The following PPP6C variants were observed in gnomAD, a reference collection of about 807,000 sequenced individuals.
PPP6C encodes protein phosphatase 6 catalytic subunit.
In PPP6C, 11 loss-of-function variants were observed where a neutral mutation model predicts 39.8. That is an observed-to-expected ratio of 0.28 (90% CI 0.17 to 0.46). The LOEUF (loss-of-function observed/expected upper bound fraction) is 0.46, where lower values mean the gene tolerates loss of function less well. PPP6C is among the 20% of genes least tolerant of loss of function. PPP6C has a pLI of 1.00. For missense variants in PPP6C, 211 were observed against 373.9 expected, an observed-to-expected ratio of 0.56 and a Z score of 3.59; for synonymous variants, 129 against 130.3, an observed-to-expected ratio of 0.99 and a Z score of 0.07.
chr9:125,177,926 C>G (rs933762505), intron 1 of PPP6C, among the ~76,000 whole-genome samples: 1 of 152,088 alleles, frequency 6.6e-6, no homozygotes, highest in African/African-American at 2.4e-5. Context: ...AGGTTGGTTT[C>G]TTTCATTTAG....
chr9:125,175,513 G>C (rs1829277747), intron 1 of PPP6C, among the ~76,000 whole-genome samples: 1 of 151,568 alleles, frequency 6.6e-6, no homozygotes. Context: ...CATGGTGGCA[G>C]GCGCCTGTAG....
intron 4 of PPP6C, among the ~76,000 whole-genome samples, chr9:125,155,572 T>C (rs1416247767): frequency 2.0e-5 from 3 of 152,174 alleles, no homozygotes; most frequent in Non-Finnish European, 2.9e-5. Flanking sequence ...TGAAAATCAA[T>C]ATAAGTCCTA....
At chr9:125,173,131 G>A (rs2131331432) in intron 1 of PPP6C, among the ~76,000 whole-genome samples, 1 of 152,028 alleles carries the variant, frequency 6.6e-6, no homozygotes, top group Middle Eastern at 3.4e-3. Context: ...ATAAAAATTA[G>A]GCTGGGCATG....
intron 1 of PPP6C, 145 bp from the exon 2 acceptor site, chr9:125,171,325 G>T: frequency 1.7e-6 from 1 of 596,332 alleles, no homozygotes; most frequent in Non-Finnish European, 2.8e-6. Flanking sequence ...TAATTCGGGG[G>T]TTGGATTTCT....
intron 1 of PPP6C, among the ~76,000 whole-genome samples, chr9:125,182,921 C>CA (rs1829448521): frequency 6.6e-6 from 1 of 152,044 alleles, no homozygotes; most frequent in East Asian, 1.9e-4. Flanking sequence ...GTTTAGAGCA[C>CA]ATTTGGCAAT....
intron 2 of PPP6C, among the ~76,000 whole-genome samples, chr9:125,163,131 C>T (rs960993586): frequency 1.3e-5 from 2 of 151,864 alleles, no homozygotes; most frequent in African/African-American, 4.8e-5. Context: ...AAACAGCCTT[C>T]ATGACTAACA....
intron 1 of PPP6C, among the ~76,000 whole-genome samples, chr9:125,183,491 C>T (rs1829461152): frequency 6.6e-6 from 1 of 152,130 alleles, no homozygotes; most frequent in African/African-American, 2.4e-5. Context: ...AACAGTATCA[C>T]GAATCACAGT....
intron 6 of PPP6C, chr9:125,151,134 C>A (rs1232325753): frequency 1.4e-6 from 2 of 1,384,810 alleles, no homozygotes; most frequent in Non-Finnish European, 2.1e-6. Context: ...AGCAGAAGAA[C>A]TGCACTATTG....
At chr9:125,151,183 A>AT in intron 6 of PPP6C, 1 of 1,491,906 alleles carries the variant, frequency 6.7e-7, no homozygotes, top group South Asian at 1.1e-5. Context: ...AGTGACCTCC[A>AT]TTGCAGACAG....
chr9:125,168,326 C>T (rs977032885), intron 2 of PPP6C, among the ~76,000 whole-genome samples: 3 of 152,170 alleles, frequency 2.0e-5, no homozygotes, highest in South Asian at 2.1e-4. Context: ...TTTATTCATA[C>T]TCATAACCCA....
In PPP6C at chr9:125,148,795, A is replaced by T. The variant is rs1835866844; in HGVS notation, c.*878T>A. The T allele has an allele frequency of 6.6e-6, 1 of 152,238 alleles. No homozygotes were observed. Among genetic ancestry groups the T allele is most frequent in the African/African-American group, 2.4e-5 (1 of 41,474 alleles). The allele number at this position is 152,238 out of a possible 1,614,324, so 9.4% of individuals were successfully genotyped here. A position where few individuals can be genotyped will look rare whatever the true frequency, so the allele number is the denominator to read the frequency against. ...AAATGTTTTTCTATTACTATAGAGG[A>T]TATAAACCAAAACATTAATATGGCA... On this transcript the variant is annotated 3_prime_UTR_variant, in exon 7 of 7. Transcript: ENST00000373547.
At chr9:125,165,582 A>G (rs1190798268) in intron 2 of PPP6C, among the ~76,000 whole-genome samples, 1 of 152,102 alleles carries the variant, frequency 6.6e-6, no homozygotes, top group Non-Finnish European at 1.5e-5. Context: ...TTGCCTCTGC[A>G]CTCAGTCTGT....
chr9:125,175,642 CAA>C (rs1188824495), intron 1 of PPP6C, among the ~76,000 whole-genome samples: 7 of 55,842 alleles, frequency 1.3e-4, no homozygotes, highest in Non-Finnish European at 1.2e-4. Flanking sequence ...GACTCCGTCT[CAA>C]AAAAAAAAAA....
At chr9:125,177,750 T>C (rs534840632) in intron 1 of PPP6C, among the ~76,000 whole-genome samples, 4 of 152,192 alleles carry the variant, frequency 2.6e-5, no homozygotes, top group Non-Finnish European at 5.9e-5. Flanking sequence ...GTTTTGACAA[T>C]TGTATAATGA....
intron 2 of PPP6C, among the ~76,000 whole-genome samples, chr9:125,162,269 C>A (rs1828893443): frequency 6.6e-6 from 1 of 151,684 alleles, no homozygotes. Context: ...ACCAGCTTAG[C>A]CAATGTGGTG....
At chr9:125,179,297 T>C (rs1339676278) in intron 1 of PPP6C, among the ~76,000 whole-genome samples, 1 of 152,152 alleles carries the variant, frequency 6.6e-6, no homozygotes, top group African/African-American at 2.4e-5. Context: ...TCCCAGTACA[T>C]GGATCATCAT....
At chr9:125,182,485 G>A (rs527296272) in intron 1 of PPP6C, among the ~76,000 whole-genome samples, 1 of 152,086 alleles carries the variant, frequency 6.6e-6, no homozygotes, top group Admixed American at 6.6e-5. Context: ...CAACTAGCTA[G>A]CTAAGTAACT....
At chr9:125,189,549 C>A (rs1387539709) in intron 1 of PPP6C, 95 bp downstream of exon 1, 4 of 1,577,608 alleles carry the variant, frequency 2.5e-6, no homozygotes, top group Non-Finnish European at 3.4e-6. Context: ...TCCACCGCGA[C>A]TGGACTGGAT....
chr9:125,188,818 A>AATAATAATAATAAT (rs535765750), intron 1 of PPP6C: 5 of 423,806 alleles, frequency 1.2e-5, no homozygotes, highest in South Asian at 5.7e-5. Flanking sequence ...TAATAATAAT[A>AATAATAATAATAAT]ATTAAAAAGT....
Sources: gnomAD v4.1 joint callset for allele counts (sites outside exome capture counted in the v4.1 genomes callset) on GRCh38, gnomAD v4.1.1 for gene constraint, MANE v1.5 for transcripts, NCBI Gene and HGNC (gene_info 2026-07-23, HGNC 2026-07-21) for gene names.